Variants in PRDM11 observed in about 807,000 individuals in gnomAD.
The protein encoded by PRDM11 is PR domain-containing protein 11.
PRDM11 carries 20 observed loss-of-function variants against 97.8 expected under a neutral mutation model. The observed-to-expected ratio is 0.20, with a 90% CI of 0.14 to 0.30. The LOEUF is 0.30. Ranked by LOEUF, PRDM11 falls within the 10% of genes least tolerant of loss-of-function variation. The pLI is 1.00. For missense variants in PRDM11, 1,139 were observed against 1,555.2 expected (o/e 0.73, Z 4.50); for synonymous variants, 599 against 637.7 (o/e 0.94, Z 0.91).
chr11:45,148,718 T>C (rs1326432936), intron 1 of PRDM11, among the ~76,000 whole-genome samples: 2 of 152,200 alleles, frequency 1.3e-5, no homozygotes, highest in African/African-American at 2.4e-5. Context: ...TTTCTTCTCC[T>C]TGGTGTCAAG....
intron 5 of PRDM11, among the ~76,000 whole-genome samples, 188 bp downstream of exon 5, chr11:45,204,966 G>A (rs1263868918): frequency 6.6e-6 from 1 of 152,176 alleles, no homozygotes; most frequent in African/African-American, 2.4e-5. Flanking sequence ...GGCTCTAGAG[G>A]ACGGCGTGTG....
At chr11:45,225,204 C>A in intron 7 of PRDM11, 1 of 1,100,556 alleles carries the variant, frequency 9.1e-7, no homozygotes, top group Non-Finnish European at 1.2e-6. Flanking sequence ...GCAGGGTGTC[C>A]CACTGGAGAG....
rs1249113884 is a variant in PRDM11, at chr11:45,226,512, T to G, written c.1887T>G (p.Asn629Lys). 4.6e-6 allele frequency: 7 copies of G among 1,533,746 alleles called. No homozygotes were observed. Among genetic ancestry groups the G allele is most frequent in the Non-Finnish European group, 6.1e-6 (7 of 1,146,718 alleles). Reference protein sequence around the residue: ...CELKVVDQYMNEGDCQILIHH... With the variant: ...CELKVVDQYMKEGDCQILIHH... Reference sequence around the variant, plus strand: ...TCAAGGTGGTGGACCAGTACATGAATGAGGGAGACTGCCAGATCCTCATCC... The same window carrying G: ...TCAAGGTGGTGGACCAGTACATGAAGGAGGGAGACTGCCAGATCCTCATCC... Residue 629 changes from asparagine to lysine, a missense_variant, in exon 8 of 8, where the codon AAT becomes AAG. Coordinates refer to ENST00000683152, the MANE Select transcript of PRDM11 (RefSeq NM_001384648.1).
At position 45,233,371 on chromosome 11, in the gene PRDM11, GA is replaced by G. The variant is rs1854437004; in HGVS notation, c.*5214del. On this transcript the variant is annotated 3_prime_UTR_variant, in exon 8 of 8. Coordinates refer to ENST00000683152, the MANE Select transcript of PRDM11 (RefSeq NM_001384648.1). Reference sequence around the variant, plus strand: ...TTTCCACAGGCTTGGTCTGAGGTTGGAAGGAGATACCCCCTGAGCTCCAGCT... The same window carrying G: ...TTTCCACAGGCTTGGTCTGAGGTTGGAGGAGATACCCCCTGAGCTCCAGCT... 1 of 152,256 alleles carries G rather than the reference GA, an allele frequency of 6.6e-6. No homozygotes were observed. Among genetic ancestry groups the G allele is most frequent in the African/African-American group, 2.4e-5 (1 of 41,430 alleles). The allele number at this position is 152,256 out of a possible 1,614,324, so 9.4% of individuals were successfully genotyped here.
intron 5 of PRDM11, chr11:45,209,216 GTCGGCGCTGC>G: frequency 2.3e-6 from 1 of 431,746 alleles, no homozygotes; most frequent in South Asian, 1.6e-5. Context: ...GGGCCATCAA[GTCGGCGCTGC>G]TCACGGCCCG....
At chr11:45,212,877 G>A (rs771790212) in intron 5 of PRDM11, 6 of 432,414 alleles carry the variant, frequency 1.4e-5, no homozygotes, top group African/African-American at 4.0e-5. Context: ...ACAGAGATCC[G>A]GGATGGGGTT....
At chr11:45,130,834 C>T (rs1042695567) in intron 1 of PRDM11, among the ~76,000 whole-genome samples, 3 of 152,112 alleles carry the variant, frequency 2.0e-5, no homozygotes, top group African/African-American at 7.2e-5. Flanking sequence ...GCACTGTATT[C>T]AACGTGTTAT....
rs113892533 is a variant in PRDM11 at position 45,107,830 on chromosome 11, AT to A, written c.96+11944del. On this transcript the variant is annotated intron_variant, in intron 1 of 6. Transcript: ENST00000530656. ...TAAGTGCTCAATAAATGTGGGTTGG[AT>A]TTTTTTTTTTTTTTGTGAGACAGAG... 8.6e-3 allele frequency among the ~76,000 whole-genome samples: 1,230 copies of A among 143,004 alleles called. 10 individuals carry two copies. The highest frequency in any genetic ancestry group is 0.023 in the African/African-American group (903 of 39,006). The allele number at this position is 143,004 out of a possible 152,430, so 93.8% of individuals were successfully genotyped here.
At chr11:45,136,292 T>C (rs886807159) in intron 1 of PRDM11, among the ~76,000 whole-genome samples, 1 of 152,220 alleles carries the variant, frequency 6.6e-6, no homozygotes, top group African/African-American at 2.4e-5. Flanking sequence ...AACAGAGTGA[T>C]AACAGGACAG....
upstream of PRDM11, among the ~76,000 whole-genome samples, chr11:45,143,323 T>C (rs576029848): frequency 1.3e-5 from 2 of 152,286 alleles, no homozygotes; most frequent in East Asian, 3.9e-4. Context: ...TTGGTGTCAT[T>C]ATTACTAGTA....
chr11:45,149,891 G>A (rs900965056), intron 1 of PRDM11, among the ~76,000 whole-genome samples: 1 of 152,256 alleles, frequency 6.6e-6, no homozygotes, highest in East Asian at 1.9e-4. Flanking sequence ...GCAGGGACTA[G>A]AGAGGCATTT....
chr11:45,136,553 A>C (rs1852850295), intron 1 of PRDM11, among the ~76,000 whole-genome samples: 1 of 152,222 alleles, frequency 6.6e-6, no homozygotes, highest in Non-Finnish European at 1.5e-5. Context: ...AATGCGGGGC[A>C]CTGGAACACA....
At chr11:45,108,627 G>A (rs1040258544) in intron 1 of PRDM11, among the ~76,000 whole-genome samples, 1 of 152,134 alleles carries the variant, frequency 6.6e-6, no homozygotes, top group Non-Finnish European at 1.5e-5. Flanking sequence ...CCTCACTCCC[G>A]AGTGAGGACG....
intron 6 of PRDM11, among the ~76,000 whole-genome samples, chr11:45,221,057 AG>A (rs1854107390): frequency 6.6e-6 from 1 of 152,144 alleles, no homozygotes; most frequent in Non-Finnish European, 1.5e-5. Flanking sequence ...TTGGAATATG[AG>A]GGGAGAAGAT....
upstream of PRDM11, among the ~76,000 whole-genome samples, chr11:45,146,498 C>T (rs548312756): frequency 6.6e-6 from 1 of 152,246 alleles, no homozygotes; most frequent in South Asian, 2.1e-4. Context: ...CGGGTTCCCC[C>T]CTCCGGGCAG....
intron 1 of PRDM11, among the ~76,000 whole-genome samples, chr11:45,104,400 G>T (rs900603876): frequency 6.6e-6 from 1 of 152,154 alleles, no homozygotes; most frequent in African/African-American, 2.4e-5. Context: ...CATCCATGGG[G>T]GTCGGGTTTC....
chr11:45,180,665 T>TG (rs1852453701), intron 1 of PRDM11, among the ~76,000 whole-genome samples: 1 of 149,680 alleles, frequency 6.7e-6, no homozygotes, highest in Admixed American at 6.6e-5. Flanking sequence ...ATGCCGGGCC[T>TG]GGCGGGCGGG....
At chr11:45,191,432 T>C (rs1034105163) in intron 4 of PRDM11, among the ~76,000 whole-genome samples, 7 of 152,316 alleles carry the variant, frequency 4.6e-5, no homozygotes, top group African/African-American at 1.7e-4. Flanking sequence ...CATTCTTCTG[T>C]TTAAAAAAGA....
At chr11:45,181,911 G>A in intron 2 of PRDM11, 26 bp downstream of exon 2, 1 of 1,598,582 alleles carries the variant, frequency 6.3e-7, no homozygotes, top group South Asian at 1.1e-5. Flanking sequence ...GGGAACTGGA[G>A]AGGGAGAAGT....
Sources: gnomAD v4.1 joint callset for allele counts (sites outside exome capture counted in the v4.1 genomes callset) on GRCh38, gnomAD v4.1.1 for gene constraint, MANE v1.5 for transcripts, NCBI Gene and HGNC (gene_info 2026-07-23, HGNC 2026-07-21) for gene names.